ASTN2: variants seen among roughly 807,000 people sequenced by gnomAD.
ASTN2 encodes astrotactin-2.
In ASTN2, 54 loss-of-function variants were observed where a neutral mutation model predicts 139.8. That is an observed-to-expected ratio of 0.39 (90% CI 0.31 to 0.48). The LOEUF (loss-of-function observed/expected upper bound fraction) is 0.48, where lower values mean the gene tolerates loss of function less well. Ranked by LOEUF, ASTN2 falls within the 20% of genes least tolerant of loss-of-function variation. The pLI is 0.95. For synonymous variants in ASTN2, 756 were observed against 719.5 expected (o/e 1.05, Z -0.81); for missense variants, 1,565 against 1,725.1 (o/e 0.91, Z 1.64).
intron 13 of ASTN2, among the ~76,000 whole-genome samples, chr9:116,775,587 G>A (rs1338203819): frequency 1.9e-5 from 1 of 51,812 alleles, no homozygotes; most frequent in Non-Finnish European, 3.7e-5. Context: ...GAGGAAGTAA[G>A]GGAGGGAGGG....
intron 5 of ASTN2, among the ~76,000 whole-genome samples, chr9:117,074,833 G>A (rs933974614): frequency 6.6e-6 from 1 of 152,134 alleles, no homozygotes; most frequent in Non-Finnish European, 1.5e-5. Context: ...GCATAGGAAT[G>A]TCTATTTTAT....
At chr9:116,687,732 G>A (rs1860341479) in intron 16 of ASTN2, among the ~76,000 whole-genome samples, 1 of 151,992 alleles carries the variant, frequency 6.6e-6, no homozygotes, top group Non-Finnish European at 1.5e-5. Context: ...TCAGGGCCCT[G>A]GAGGGACCTG....
At chr9:116,483,441 G>A (rs141238640) in intron 20 of ASTN2, among the ~76,000 whole-genome samples, 108 of 152,262 alleles carry the variant, frequency 7.1e-4, no homozygotes, top group African/African-American at 2.6e-3. Context: ...CCTAGGTGGT[G>A]TGGAAAGAGG....
intron 10 of ASTN2, among the ~76,000 whole-genome samples, chr9:116,926,171 C>G (rs935162993): frequency 1.3e-5 from 2 of 152,146 alleles, no homozygotes; most frequent in African/African-American, 4.8e-5. Flanking sequence ...ATCACCAAGA[C>G]CAAGTTCAAA....
intron 19 of ASTN2, among the ~76,000 whole-genome samples, chr9:116,552,412 C>T (rs1401888489): frequency 6.6e-6 from 1 of 152,074 alleles, no homozygotes; most frequent in African/African-American, 2.4e-5. Context: ...CATGGGAAAA[C>T]TCAACAGGTA....
chr9:116,439,641 T>C (rs962122406), intron 22 of ASTN2, among the ~76,000 whole-genome samples: 1 of 152,152 alleles, frequency 6.6e-6, no homozygotes, highest in African/African-American at 2.4e-5. Flanking sequence ...ATGTAACATT[T>C]TCTCTTCTGA....
intron 6 of ASTN2, among the ~76,000 whole-genome samples, chr9:117,039,070 T>C (rs962055455): frequency 6.6e-6 from 1 of 152,192 alleles, no homozygotes; most frequent in Admixed American, 6.5e-5. Flanking sequence ...GCATTTTTAT[T>C]TTGAAATGGA....
At chr9:116,928,953 A>C (rs995250378) in intron 10 of ASTN2, among the ~76,000 whole-genome samples, 2 of 152,222 alleles carry the variant, frequency 1.3e-5, no homozygotes, top group African/African-American at 4.8e-5. Flanking sequence ...AAAATCACTT[A>C]AGTGTACACA....
chr9:117,305,596 G>A (rs532226029), intron 1 of ASTN2, among the ~76,000 whole-genome samples: 329 of 152,268 alleles, frequency 2.2e-3, no homozygotes, highest in Non-Finnish European at 1.9e-3. Context: ...TGAAAGTAGC[G>A]TCATAATAAT....
intron 1 of ASTN2, among the ~76,000 whole-genome samples, chr9:117,353,557 T>C (rs962299435): frequency 6.6e-5 from 10 of 152,212 alleles, no homozygotes; most frequent in African/African-American, 2.4e-4. Flanking sequence ...AGCAAAATGA[T>C]GACACCTTGG....
chr9:117,021,971 A>T (rs1012093774), intron 6 of ASTN2, among the ~76,000 whole-genome samples: 2 of 152,294 alleles, frequency 1.3e-5, no homozygotes, highest in African/African-American at 2.4e-5. Flanking sequence ...CAGTTTCGCA[A>T]AAACAAACAC....
chr9:117,290,484 T>C (rs1004068874), intron 2 of ASTN2, among the ~76,000 whole-genome samples: 1 of 152,226 alleles, frequency 6.6e-6, no homozygotes, highest in Non-Finnish European at 1.5e-5. Flanking sequence ...CTCAGAGTTC[T>C]GTATCATGGG....
intron 17 of ASTN2, among the ~76,000 whole-genome samples, chr9:116,634,589 CAAAAAAA>C (rs57882262): frequency 9.6e-5 from 10 of 104,212 alleles, no homozygotes; most frequent in East Asian, 2.4e-4. Context: ...GACTCCGTCT[CAAAAAAA>C]AAAAAAAAAA....
At chr9:116,891,717 T>C (rs1833766078) in intron 10 of ASTN2, among the ~76,000 whole-genome samples, 3 of 152,358 alleles carry the variant, frequency 2.0e-5, no homozygotes, top group South Asian at 2.1e-4. Flanking sequence ...GGGCACTTGG[T>C]CATCCATTTT....
At chr9:117,375,381 T>G (rs1293770427) in intron 1 of ASTN2, among the ~76,000 whole-genome samples, 1 of 152,188 alleles carries the variant, frequency 6.6e-6, no homozygotes, top group Non-Finnish European at 1.5e-5. Context: ...AAGCCCATGT[T>G]TTCTCCATTT....
chr9:117,099,647 C>G (rs1336330322), intron 4 of ASTN2, among the ~76,000 whole-genome samples: 1 of 152,172 alleles, frequency 6.6e-6, no homozygotes, highest in African/African-American at 2.4e-5. Context: ...TACATTTATT[C>G]CCATTTCAGT....
chr9:116,799,462 G>A (rs1564273462), intron 13 of ASTN2, among the ~76,000 whole-genome samples: 1 of 152,052 alleles, frequency 6.6e-6, no homozygotes. Flanking sequence ...GGTCATTCTT[G>A]AGGGCCTATT....
At chr9:117,314,379 A>C (rs1828068563) in intron 1 of ASTN2, among the ~76,000 whole-genome samples, 1 of 152,086 alleles carries the variant, frequency 6.6e-6, no homozygotes. Flanking sequence ...CTGGAGGAAC[A>C]CTTCCGAAAG....
chr9:116,790,112 G>T (rs532141308), intron 13 of ASTN2, among the ~76,000 whole-genome samples: 1 of 151,874 alleles, frequency 6.6e-6, no homozygotes, highest in Non-Finnish European at 1.5e-5. Context: ...TTTTAGTAAA[G>T]ACTGGGTTTC....
Sources: allele counts gnomAD v4.1 joint callset (sites outside exome capture counted in the v4.1 genomes callset), GRCh38; gene constraint gnomAD v4.1.1; transcripts MANE v1.5; gene names NCBI Gene and HGNC (gene_info 2026-07-23, HGNC 2026-07-21).